The following SPAM1 variants were observed in gnomAD, a reference collection of about 807,000 sequenced individuals.
The protein encoded by SPAM1 is sperm adhesion molecule 1.
Under a neutral mutation model 29.6 loss-of-function variants are expected in SPAM1, and 22 were observed. The observed-to-expected ratio is 0.74, with a 90% CI of 0.53 to 1.06. The LOEUF is 1.06. Among genes scored for constraint, SPAM1 ranks in the 50% least tolerant of loss-of-function variants. The pLI, the probability that SPAM1 is intolerant of heterozygous loss-of-function variation, is 0.00. For missense variants in SPAM1, 534 were observed against 604.0 expected (o/e 0.88, Z 1.21); for synonymous variants, 194 against 204.6 (o/e 0.95, Z 0.44).
At chr7:123,966,827 T>A (rs1226840447) in intron 5 of SPAM1, among the ~76,000 whole-genome samples, 2 of 152,018 alleles carry the variant, frequency 1.3e-5, no homozygotes, top group Non-Finnish European at 2.9e-5. Context: ...GGTGATGGAT[T>A]GATCTGTGCA....
chr7:123,932,865 GGTA>G lies in SPAM1; in HGVS notation c.-319+7514_-319+7516del, dbSNP rs1808129258. 2.0e-5 allele frequency among the ~76,000 whole-genome samples: 3 copies of G among 152,152 alleles called. No homozygotes were observed. The South Asian group carries it at 6.2e-4, about 32-fold the overall frequency. On this transcript the variant is annotated intron_variant, in intron 1 of 4. Transcript: ENST00000682466. ...TGCTGGGTGCTCCCAAGATCTCAATGGTAACCTCTGGAGTGCGCAGGGTGTCCC... is the reference window on the plus strand; with the variant it reads ...TGCTGGGTGCTCCCAAGATCTCAATGACCTCTGGAGTGCGCAGGGTGTCCC...
intron 1 of SPAM1, among the ~76,000 whole-genome samples, chr7:123,945,337 T>C (rs1439450369): frequency 6.6e-6 from 1 of 152,020 alleles, no homozygotes; most frequent in Non-Finnish European, 1.5e-5. Flanking sequence ...TTCTTCAGAA[T>C]GCACCTCTGA....
intron 1 of SPAM1, among the ~76,000 whole-genome samples, chr7:123,937,225 A>G (rs1316377889): frequency 6.6e-6 from 1 of 152,142 alleles, no homozygotes; most frequent in East Asian, 1.9e-4. Flanking sequence ...AATAAATTCA[A>G]ATGAGCCATA....
Position 123,952,069 on chromosome 7 carries a change from G to T in SPAM1, c.-206-1296G>T, listed in dbSNP as rs150586300. On this transcript the variant is annotated intron_variant, in intron 2 of 4. Coordinates refer to ENST00000682466, the MANE Select transcript of SPAM1 (RefSeq NM_153189.3). ...CCCTGTCCCTGCCATTCAGGCATTA[G>T]TATTGATGGTTGGTATTTAAAAGCA... Among the ~76,000 whole-genome samples the T allele has an allele frequency of 6.9e-3, 1,056 of 152,148 alleles. 6 individuals carry two copies. Among genetic ancestry groups the T allele is most frequent in the Non-Finnish European group, 0.011 (768 of 68,000 alleles).
At chr7:123,952,463 A>G (rs1164525499) in intron 2 of SPAM1, among the ~76,000 whole-genome samples, 1 of 152,104 alleles carries the variant, frequency 6.6e-6, no homozygotes, top group East Asian at 1.9e-4. Context: ...ACATTTAACT[A>G]TATCTTCTTG....
chr7:123,949,700 A>G (rs1808699187), intron 1 of SPAM1, among the ~76,000 whole-genome samples, 172 bp from the exon 2 acceptor site: 1 of 152,144 alleles, frequency 6.6e-6, no homozygotes, highest in African/African-American at 2.4e-5. Context: ...AATCATTTTG[A>G]ACTTATCCTT....
At chr7:123,941,197 A>G (rs1447797226) in intron 1 of SPAM1, among the ~76,000 whole-genome samples, 1 of 152,198 alleles carries the variant, frequency 6.6e-6, no homozygotes. Context: ...GGTATCTGAG[A>G]CAGGTCTCAA....
At position 123,953,836 on chromosome 7, in the gene SPAM1, CAAT is replaced by C; in HGVS notation, c.268_270del (p.Ile90del). 1 of 1,613,510 alleles carries C rather than the reference CAAT, an allele frequency of 6.2e-7. No individual in the cohort carries two copies. The highest frequency in any genetic ancestry group is 8.5e-7 in the Non-Finnish European group (1 of 1,179,740). On this transcript the variant is annotated inframe_deletion, in exon 3 of 5. Coordinates refer to ENST00000682466, the MANE Select transcript of SPAM1 (RefSeq NM_153189.3). Reference sequence around the variant, plus strand: ...ATAAACGCCACCGGGCAAGGTGTTACAATATTTTATGTTGATAGACTTGGCTAC... The same window carrying C: ...ATAAACGCCACCGGGCAAGGTGTTACATTTTATGTTGATAGACTTGGCTAC...
At chr7:123,929,349 A>G (rs1303625449) in intron 1 of SPAM1, among the ~76,000 whole-genome samples, 4 of 151,964 alleles carry the variant, frequency 2.6e-5, no homozygotes, top group Non-Finnish European at 4.4e-5. Context: ...AGTTCTGGCT[A>G]CCTGTTTTCT....
intron 1 of SPAM1, among the ~76,000 whole-genome samples, chr7:123,940,496 T>C (rs1314377469): frequency 6.6e-6 from 1 of 151,866 alleles, no homozygotes; most frequent in Non-Finnish European, 1.5e-5. Flanking sequence ...TTTTTTTTTT[T>C]TTAATTTTAA....
intron 1 of SPAM1, among the ~76,000 whole-genome samples, chr7:123,944,502 G>T (rs1201998010): frequency 6.6e-6 from 1 of 152,124 alleles, no homozygotes; most frequent in African/African-American, 2.4e-5. Context: ...GTTAGGCCCA[G>T]TTACCAAAAG....
chr7:123,941,637 G>A (rs1228852519), intron 1 of SPAM1, among the ~76,000 whole-genome samples: 1 of 152,070 alleles, frequency 6.6e-6, no homozygotes, highest in African/African-American at 2.4e-5. Context: ...TTGTGCGGGA[G>A]GTATGTAGCT....
At chr7:123,939,647 G>T (rs1050951434) in intron 1 of SPAM1, among the ~76,000 whole-genome samples, 17 of 152,146 alleles carry the variant, frequency 1.1e-4, no homozygotes, top group African/African-American at 3.4e-4. Context: ...GAGAGACAAA[G>T]ATTTTCTGCT....
At chr7:123,961,871 G>C (rs904909021), downstream of SPAM1, among the ~76,000 whole-genome samples, 5 of 151,956 alleles carry the variant, frequency 3.3e-5, no homozygotes, top group Non-Finnish European at 5.9e-5. Flanking sequence ...GAGACAATGA[G>C]AGACAAGGGA....
chr7:123,948,099 T>A (rs748468894), intron 1 of SPAM1, among the ~76,000 whole-genome samples: 7 of 152,146 alleles, frequency 4.6e-5, no homozygotes, highest in Non-Finnish European at 7.4e-5. Context: ...TCAATATATT[T>A]ATAAAAAACA....
intron 6 of SPAM1, among the ~76,000 whole-genome samples, chr7:123,970,565 G>A (rs1281873329): frequency 6.7e-6 from 1 of 148,306 alleles, no homozygotes; most frequent in Non-Finnish European, 1.5e-5. Flanking sequence ...GGCCAGCCTG[G>A]ACAACACAGT....
chr7:123,937,335 C>T (rs1009808426), intron 1 of SPAM1, among the ~76,000 whole-genome samples: 1 of 152,162 alleles, frequency 6.6e-6, no homozygotes, highest in Admixed American at 6.5e-5. Context: ...GGCGCGGTGG[C>T]TCACGCCTGT....
In SPAM1 at chr7:123,933,132, C is replaced by T. The variant is rs139609844; in HGVS notation, c.-319+7780C>T. 1.8e-3 allele frequency among the ~76,000 whole-genome samples: 268 copies of T among 151,600 alleles called. 2 individuals carry two copies. In the East Asian group the frequency reaches 0.043, roughly 24 times the overall value. ...GGTTTGTTACATAGGTATACATGTG[C>T]CATGGCGGTTTGCTTCACCTATCAA... is the stretch of plus-strand genomic sequence containing the variant. On this transcript the variant is annotated intron_variant, in intron 1 of 4. Coordinates refer to ENST00000682466, the MANE Select transcript of SPAM1 (RefSeq NM_153189.3).
chr7:123,932,725 T>A (rs1808125565), intron 1 of SPAM1, among the ~76,000 whole-genome samples: 1 of 152,218 alleles, frequency 6.6e-6, no homozygotes, highest in African/African-American at 2.4e-5. Flanking sequence ...CTCCTGCTAA[T>A]CTGAATTTGA....
Sources: allele counts gnomAD v4.1 joint callset (sites outside exome capture counted in the v4.1 genomes callset), GRCh38; gene constraint gnomAD v4.1.1; transcripts MANE v1.5; gene names NCBI Gene and HGNC (gene_info 2026-07-23, HGNC 2026-07-21).